Variants in PKNOX2 observed in about 807,000 individuals in gnomAD.
PKNOX2 encodes the protein PBX/knotted 1 homeobox 2.
In PKNOX2, 14 loss-of-function variants were observed where a neutral mutation model predicts 53.1. That is an observed-to-expected ratio of 0.26 (90% CI 0.17 to 0.41). PKNOX2 has a LOEUF of 0.41. Among genes scored for constraint, PKNOX2 ranks in the 10% least tolerant of loss-of-function variants. The probability of loss-of-function intolerance (pLI) is 1.00; values close to 1 mark genes in which losing one functional copy is unlikely to be tolerated. For missense variants in PKNOX2, 496 were observed against 602.8 expected (o/e 0.82, Z 1.85); for synonymous variants, 257 against 242.8 (o/e 1.06, Z -0.54).
chr11:125,423,164 A>G (rs183538070), intron 10 of PKNOX2, among the ~76,000 whole-genome samples: 2 of 152,210 alleles, frequency 1.3e-5, no homozygotes, highest in East Asian at 3.9e-4. Context: ...TATCTCTCCC[A>G]TTTTACAGAA....
intron 4 of PKNOX2, among the ~76,000 whole-genome samples, chr11:125,367,592 T>C (rs961359851): frequency 6.6e-6 from 1 of 152,234 alleles, no homozygotes; most frequent in African/African-American, 2.4e-5. Flanking sequence ...GTCATCTCTT[T>C]TCAGAGTGTG....
intron 1 of PKNOX2, among the ~76,000 whole-genome samples, chr11:125,223,116 T>C (rs1188692113): frequency 6.6e-6 from 1 of 152,202 alleles, no homozygotes; most frequent in Non-Finnish European, 1.5e-5. Context: ...GTAAATTATC[T>C]GGAACATGAT....
chr11:125,243,229 T>A (rs1271512339), intron 2 of PKNOX2, among the ~76,000 whole-genome samples: 1 of 152,228 alleles, frequency 6.6e-6, no homozygotes, highest in Non-Finnish European at 1.5e-5. Context: ...ACTCTGGGAC[T>A]TGTAGAGCAA....
intron 6 of PKNOX2, among the ~76,000 whole-genome samples, chr11:125,394,135 A>G (rs955980417): frequency 6.6e-6 from 1 of 152,210 alleles, no homozygotes. Context: ...ACGTTTGGGT[A>G]TTATTAACAA....
At chr11:125,346,250 G>A (rs11220031) in intron 3 of PKNOX2, among the ~76,000 whole-genome samples, 9,267 of 152,002 alleles carry the variant, frequency 0.061, 911 homozygotes, top group African/African-American at 0.21. Context: ...CTGGCTCGCT[G>A]ACCTCAGGGG....
chr11:125,361,986 C>T (rs1951950080), intron 4 of PKNOX2, among the ~76,000 whole-genome samples: 1 of 152,178 alleles, frequency 6.6e-6, no homozygotes, highest in Non-Finnish European at 1.5e-5. Flanking sequence ...CACATGGGTT[C>T]CACATGGGAG....
At position 125,370,386 on chromosome 11, in the gene PKNOX2, G is replaced by A. The variant is rs926564749; in HGVS notation, c.227+2401G>A. Among the ~76,000 whole-genome samples, 9 of 152,282 alleles carry A rather than the reference G, an allele frequency of 5.9e-5. No homozygotes were observed. The highest frequency in any genetic ancestry group is 1.2e-4 in the Non-Finnish European group (8 of 68,022). The stretch of plus-strand genomic sequence containing the variant: ...GAGAGGTGGGTCACTGCCCCCATGG[G>A]AGCCACCACATGGATGTCACTTGAA... On this transcript the variant is annotated intron_variant, in intron 5 of 12. Coordinates refer to ENST00000298282, the MANE Select transcript of PKNOX2 (RefSeq NM_001382323.2). The surrounding 1 kb of genome is among the most constrained non-coding windows in gnomAD (Gnocchi z 4.1).
chr11:125,219,935 C>T (rs973217493), intron 1 of PKNOX2, among the ~76,000 whole-genome samples: 1 of 152,144 alleles, frequency 6.6e-6, no homozygotes, highest in Admixed American at 6.5e-5. Flanking sequence ...TAGGAAATGA[C>T]ATATGTCTAA....
rs1948096301 is a variant in PKNOX2, at chr11:125,301,912, C to T, written c.-129-29907C>T. Reference sequence around the variant, plus strand: ...TTTGCCCAGACTCAGTCATTTTGGCCAACATTTACTAGGCACCTACTGTGT... The same window carrying T: ...TTTGCCCAGACTCAGTCATTTTGGCTAACATTTACTAGGCACCTACTGTGT... On this transcript the variant is annotated intron_variant, in intron 2 of 12. Transcript: ENST00000298282. Among the ~76,000 whole-genome samples the T allele has an allele frequency of 2.6e-5, 4 of 152,180 alleles. No individual in the cohort carries two copies. In the South Asian group the frequency reaches 8.3e-4, roughly 32 times the overall value.
In PKNOX2 at chr11:125,267,357, G is replaced by T. The variant is rs573219449; in HGVS notation, c.-130+32242G>T. On this transcript the variant is annotated intron_variant, in intron 2 of 12. Coordinates refer to ENST00000298282, the MANE Select transcript of PKNOX2 (RefSeq NM_001382323.2). The stretch of plus-strand genomic sequence containing the variant: ...CAGGAAGGATGTGCTTGTCCTGAAG[G>T]CTTGTAGAGGGAGGAGCTATCATGG... 1.2e-4 allele frequency among the ~76,000 whole-genome samples: 19 copies of T among 152,330 alleles called. No homozygotes were observed. In the South Asian group the frequency reaches 3.1e-3, roughly 25 times the overall value.
chr11:125,212,449 C>CTTTTTTTTTTTTTTTTTTTTTTTTTTT (rs796083611), intron 1 of PKNOX2, among the ~76,000 whole-genome samples: 1 of 105,396 alleles, frequency 9.5e-6, no homozygotes, highest in African/African-American at 3.4e-5. Context: ...GGAGGGGATT[C>CTTTTTTTTTTTTTTTTTTTTTTTTTTT]TTTTTTTTTT....
intron 2 of PKNOX2, among the ~76,000 whole-genome samples, chr11:125,251,726 C>T (rs1944016798): frequency 6.6e-6 from 1 of 151,242 alleles, no homozygotes; most frequent in African/African-American, 2.4e-5. Context: ...GCTGGCTCAA[C>T]CCCCAGATGG....
intron 1 of PKNOX2, among the ~76,000 whole-genome samples, chr11:125,179,459 G>A (rs1329114195): frequency 6.6e-6 from 1 of 152,170 alleles, no homozygotes; most frequent in East Asian, 1.9e-4. Flanking sequence ...CGGCAAAACT[G>A]AGAAAAGACG....
At position 125,284,680 on chromosome 11, in the gene PKNOX2, C is replaced by T. The variant is rs568087792; in HGVS notation, c.-129-47139C>T. 2.3e-3 allele frequency among the ~76,000 whole-genome samples: 354 copies of T among 152,170 alleles called. 1 individual carries two copies. The highest frequency in any genetic ancestry group is 9.1e-3 in the South Asian group (44 of 4,824). On this transcript the variant is annotated intron_variant, in intron 2 of 12. Transcript: ENST00000298282. ...GTATCCAGGCTACCGAGTGCTTGAG[C>T]GCATTTGGTGATTATTTGTATTATG...
In PKNOX2 at chr11:125,370,013, A is replaced by G. The variant is rs933007350; in HGVS notation, c.227+2028A>G. On this transcript the variant is annotated intron_variant, in intron 5 of 12. Coordinates refer to ENST00000298282, the MANE Select transcript of PKNOX2 (RefSeq NM_001382323.2). The surrounding 1 kb of genome is among the most constrained non-coding windows in gnomAD (Gnocchi z 4.1). ...TTTCACAAGATCCCAGGGGATTCCTATGCATACTGAAGACTCACCTCGCAG... is the reference window on the plus strand; with the variant it reads ...TTTCACAAGATCCCAGGGGATTCCTGTGCATACTGAAGACTCACCTCGCAG... Among the ~76,000 whole-genome samples the G allele has an allele frequency of 1.3e-5, 2 of 152,102 alleles. No homozygotes were observed. The highest frequency in any genetic ancestry group is 4.8e-5 in the African/African-American group (2 of 41,414).
At chr11:125,290,094 C>T (rs932189481) in intron 2 of PKNOX2, among the ~76,000 whole-genome samples, 4 of 152,326 alleles carry the variant, frequency 2.6e-5, no homozygotes, top group South Asian at 4.1e-4. Context: ...TAACTAGCTG[C>T]GCTGAGTGAA....
intron 1 of PKNOX2, among the ~76,000 whole-genome samples, chr11:125,174,380 C>T (rs762989336): frequency 6.6e-6 from 1 of 152,216 alleles, no homozygotes; most frequent in Non-Finnish European, 1.5e-5. Context: ...CCAAACAAAA[C>T]GCATGTGAAA....
chr11:125,185,474 T>A (rs1260566041), intron 1 of PKNOX2, among the ~76,000 whole-genome samples: 47 of 152,202 alleles, frequency 3.1e-4, no homozygotes, highest in Non-Finnish European at 5.6e-4. Flanking sequence ...CAAAACATTT[T>A]TTCACTTCAG....
At chr11:125,269,682 A>G (rs1945640377) in intron 2 of PKNOX2, among the ~76,000 whole-genome samples, 1 of 152,162 alleles carries the variant, frequency 6.6e-6, no homozygotes, top group Admixed American at 6.5e-5. Flanking sequence ...TGGAAATGAA[A>G]CAGGAAACTC....
Sources: allele counts gnomAD v4.1 joint callset (sites outside exome capture counted in the v4.1 genomes callset), GRCh38; gene constraint gnomAD v4.1.1; non-coding constraint Gnocchi (gnomAD v3.1); transcripts MANE v1.5; gene names NCBI Gene and HGNC (gene_info 2026-07-23, HGNC 2026-07-21).